The following PLEKHA5 variants were observed in gnomAD, a reference collection of about 807,000 sequenced individuals.
PLEKHA5 encodes pleckstrin homology domain containing A5, also known as pleckstrin homology domain-containing family A member 5.
A neutral mutation model predicts 181.9 loss-of-function variants in PLEKHA5; 55 were observed. The ratio of observed to expected loss-of-function variants is 0.30; its 90% confidence interval spans 0.24 to 0.38. The LOEUF (loss-of-function observed/expected upper bound fraction) is 0.38, where lower values mean the gene tolerates loss of function less well. Ranked by LOEUF, PLEKHA5 falls within the 10% of genes least tolerant of loss-of-function variation. The pLI is 1.00. For synonymous variants in PLEKHA5, 535 were observed against 529.4 expected, an observed-to-expected ratio of 1.01 and a Z score of -0.15; for missense variants, 1,432 against 1,549.5, an observed-to-expected ratio of 0.92 and a Z score of 1.27.
chr12:19,275,420 C>G (rs563408198), intron 11 of PLEKHA5, among the ~76,000 whole-genome samples: 1 of 152,296 alleles, frequency 6.6e-6, no homozygotes, highest in Admixed American at 6.5e-5. Flanking sequence ...CTACTGCTCT[C>G]TAATTCCCAG....
At chr12:19,373,748 T>C (rs1164493502) in intron 31 of PLEKHA5, 1 of 152,230 alleles carries the variant, frequency 6.6e-6, no homozygotes, top group African/African-American at 2.4e-5. Context: ...TTGGACTCAT[T>C]TGATTTCATC....
intron 26 of PLEKHA5, among the ~76,000 whole-genome samples, chr12:19,355,939 C>T (rs2094902435): frequency 6.6e-6 from 1 of 151,776 alleles, no homozygotes; most frequent in African/African-American, 2.4e-5. Flanking sequence ...GGCTGGCAGG[C>T]AGATCATTTG....
chr12:19,362,998 G>T (rs538512896), intron 29 of PLEKHA5, among the ~76,000 whole-genome samples: 15 of 151,566 alleles, frequency 9.9e-5, no homozygotes, highest in African/African-American at 1.7e-4. Context: ...TGCTATCTGT[G>T]GGGGGGCCCT....
chr12:19,222,734 A>G (rs1393350891), intron 3 of PLEKHA5, among the ~76,000 whole-genome samples: 1 of 152,120 alleles, frequency 6.6e-6, no homozygotes, highest in Non-Finnish European at 1.5e-5. Flanking sequence ...TGACAAGCTC[A>G]AATGCCTTTG....
At chr12:19,182,783 A>T (rs1323311337) in intron 3 of PLEKHA5, among the ~76,000 whole-genome samples, 1 of 152,230 alleles carries the variant, frequency 6.6e-6, no homozygotes, top group Non-Finnish European at 1.5e-5. Context: ...GAAATACAGC[A>T]TATTTAACTT....
chr12:19,347,285 A>G (rs940948927), intron 24 of PLEKHA5, 103 bp downstream of exon 24: 1 of 558,750 alleles, frequency 1.8e-6, no homozygotes, highest in Non-Finnish European at 2.9e-6. Flanking sequence ...TATAACCTTT[A>G]TAACCTCATT....
chr12:19,186,998 G>A lies in PLEKHA5; in HGVS notation c.227+54548G>A, dbSNP rs947067886. Among the ~76,000 whole-genome samples, 33 of 152,120 alleles carry A rather than the reference G, an allele frequency of 2.2e-4. 1 individual carries two copies. The highest frequency in any genetic ancestry group is 8.0e-4 in the African/African-American group (33 of 41,430). On this transcript the variant is annotated intron_variant, in intron 3 of 31. Coordinates refer to ENST00000429027, the MANE Select transcript of PLEKHA5 (RefSeq NM_001256470.2). ...GACTCTAACCACCTATGGCATTATA[G>A]TTTCTTTTATTCCACCTGCATTTAT...
intron 10 of PLEKHA5, among the ~76,000 whole-genome samples, chr12:19,271,784 C>T (rs10841198): frequency 0.52 from 78,788 of 151,972 alleles, 24,005 homozygotes; most frequent in Non-Finnish European, 0.7. Flanking sequence ...GGTGCTTATA[C>T]AGTTTTCAGC....
intron 20 of PLEKHA5, among the ~76,000 whole-genome samples, chr12:19,327,247 G>GTTTTTTTTTT (rs55983306): frequency 6.5e-5 from 9 of 138,528 alleles, no homozygotes; most frequent in African/African-American, 1.4e-4. Flanking sequence ...ATCTGTTTTT[G>GTTTTTTTTTT]TTTTTTTTTT....
At chr12:19,232,685 T>G (rs2060813375) in intron 3 of PLEKHA5, among the ~76,000 whole-genome samples, 1 of 152,142 alleles carries the variant, frequency 6.6e-6, no homozygotes, top group African/African-American at 2.4e-5. Context: ...TTCATTTGAT[T>G]CTTAAATCAT....
At chr12:19,353,437 G>A (rs1186198650) in intron 25 of PLEKHA5, among the ~76,000 whole-genome samples, 6 of 152,016 alleles carry the variant, frequency 3.9e-5, no homozygotes, top group East Asian at 3.9e-4. Flanking sequence ...GATTACAGGC[G>A]TGAGTCACCA....
At chr12:19,309,067 AAAAG>A (rs1190807713) in intron 15 of PLEKHA5, among the ~76,000 whole-genome samples, 1 of 152,210 alleles carries the variant, frequency 6.6e-6, no homozygotes, top group Admixed American at 6.5e-5. Context: ...ATCTCAAAAA[AAAAG>A]AAAAAAAGAG....
chr12:19,361,181 T>G (rs559361908), intron 28 of PLEKHA5, among the ~76,000 whole-genome samples: 38 of 152,264 alleles, frequency 2.5e-4, no homozygotes, highest in Admixed American at 1.3e-3. Context: ...TTATTTATTT[T>G]TTTGTTTGTT....
At chr12:19,362,191 A>G (rs1027379597) in intron 29 of PLEKHA5, among the ~76,000 whole-genome samples, 85 of 124,962 alleles carry the variant, frequency 6.8e-4, no homozygotes, top group Non-Finnish European at 1.2e-3. Flanking sequence ...AAAAAAAAAA[A>G]GGCATAATAA....
intron 3 of PLEKHA5, among the ~76,000 whole-genome samples, chr12:19,171,154 C>A (rs1198374859): frequency 6.6e-6 from 1 of 152,134 alleles, no homozygotes; most frequent in African/African-American, 2.4e-5. Flanking sequence ...TATAGAGAGA[C>A]TACTTTATTA....
chr12:19,335,422 A>AT (rs201462301), intron 20 of PLEKHA5, among the ~76,000 whole-genome samples: 8,979 of 142,430 alleles, frequency 0.063, 483 homozygotes, highest in East Asian at 0.21. Context: ...TACTTTATTT[A>AT]TTTTTTTTTT....
intron 3 of PLEKHA5, among the ~76,000 whole-genome samples, chr12:19,223,002 T>C (rs2059198870): frequency 4.3e-5 from 1 of 23,522 alleles, no homozygotes; most frequent in Non-Finnish European, 3.6e-4. Context: ...AATTTTGTCT[T>C]TTTTTTTTTT....
intron 11 of PLEKHA5, among the ~76,000 whole-genome samples, chr12:19,276,795 G>C (rs1041430811): frequency 1.3e-5 from 2 of 152,148 alleles, no homozygotes; most frequent in African/African-American, 4.8e-5. Context: ...TGGGTTATGT[G>C]AGGTAATACA....
chr12:19,216,492 A>G (rs899614275), intron 3 of PLEKHA5, among the ~76,000 whole-genome samples: 4 of 151,864 alleles, frequency 2.6e-5, no homozygotes, highest in Admixed American at 2.6e-4. Flanking sequence ...CCGAAACCCC[A>G]TCTCTACTAA....
Sources: allele counts gnomAD v4.1 joint callset (sites outside exome capture counted in the v4.1 genomes callset), GRCh38; gene constraint gnomAD v4.1.1; transcripts MANE v1.5; gene names NCBI Gene and HGNC (gene_info 2026-07-23, HGNC 2026-07-21).